Variants in FGF13 observed in about 807,000 individuals in gnomAD.
FGF13 encodes the protein fibroblast growth factor 13.
A neutral mutation model predicts 19.5 loss-of-function variants in FGF13; 2 were observed. That is an observed-to-expected ratio of 0.10 (90% CI 0.04 to 0.32). FGF13 has a LOEUF of 0.32. Among genes scored for constraint, FGF13 ranks in the 10% least tolerant of loss-of-function variants. The probability of loss-of-function intolerance (pLI) is 1.00; values close to 1 mark genes in which losing one functional copy is unlikely to be tolerated. For synonymous variants in FGF13, 72 were observed against 76.9 expected, an observed-to-expected ratio of 0.94 and a Z score of 0.33; for missense variants, 113 against 192.7, an observed-to-expected ratio of 0.59 and a Z score of 2.45.
chrX:138,658,669 A>G (rs2089459783), intron 3 of FGF13, among the ~76,000 whole-genome samples: 1 of 111,760 alleles, frequency 8.9e-6, no homozygotes, highest in African/African-American at 3.2e-5. Context: ...TCTAATGGAG[A>G]GGAATCTCTG....
intron 1 of FGF13, among the ~76,000 whole-genome samples, chrX:139,138,397 C>T (rs1190614477): frequency 1.8e-5 from 2 of 111,795 alleles, no homozygotes; most frequent in Non-Finnish European, 3.8e-5. Context: ...TTTGGCCACT[C>T]TGCCCCTCTC....
intron 3 of FGF13, among the ~76,000 whole-genome samples, chrX:138,687,690 A>G (rs759436792): frequency 7.2e-4 from 81 of 112,225 alleles, no homozygotes; most frequent in Non-Finnish European, 1.4e-3. Context: ...TCAAAGAGAT[A>G]TCTGCATTCT....
At chrX:139,181,917 A>G (rs2084241708) in intron 1 of FGF13, among the ~76,000 whole-genome samples, 1 of 110,331 alleles carries the variant, frequency 9.1e-6, no homozygotes, top group Non-Finnish European at 1.9e-5. Flanking sequence ...CCTTTGCAGC[A>G]GATATTGCTG....
chrX:138,871,877 G>C (rs987210821), intron 1 of FGF13, among the ~76,000 whole-genome samples: 1 of 112,120 alleles, frequency 8.9e-6, no homozygotes, highest in African/African-American at 3.2e-5. Flanking sequence ...GTAGGCCATT[G>C]TAACAGCTCT....
intron 3 of FGF13, among the ~76,000 whole-genome samples, chrX:138,752,646 G>A (rs902540940): frequency 9.0e-6 from 1 of 111,516 alleles, no homozygotes; most frequent in African/African-American, 3.3e-5. Context: ...TCTAGTGATA[G>A]TGGGAAACAA....
chrX:139,185,145 A>G (rs1015224606), intron 1 of FGF13, among the ~76,000 whole-genome samples: 2 of 112,319 alleles, frequency 1.8e-5, no homozygotes, highest in African/African-American at 6.5e-5. Context: ...ACATAGTAAT[A>G]CTTGCCAACC....
At chrX:138,750,444 G>C (rs2090390016) in intron 3 of FGF13, among the ~76,000 whole-genome samples, 1 of 110,452 alleles carries the variant, frequency 9.1e-6, no homozygotes, top group Non-Finnish European at 1.9e-5. Flanking sequence ...TTAGATTCAG[G>C]GGGTACATGT....
At chrX:139,033,569 T>C (rs2092238953) in intron 1 of FGF13, among the ~76,000 whole-genome samples, 1 of 111,949 alleles carries the variant, frequency 8.9e-6, no homozygotes, top group Non-Finnish European at 1.9e-5. Flanking sequence ...TTACTACAAA[T>C]TCAGAGCTAT....
At chrX:138,966,278 C>G (rs760662254) in intron 1 of FGF13, among the ~76,000 whole-genome samples, 1 of 112,194 alleles carries the variant, frequency 8.9e-6, no homozygotes, top group South Asian at 3.8e-4. Flanking sequence ...ACAGCTTGTA[C>G]TGTGCACGTG....
chrX:138,743,914 T>C (rs1193604236), upstream of FGF13, among the ~76,000 whole-genome samples: 2 of 111,269 alleles, frequency 1.8e-5, no homozygotes, highest in African/African-American at 3.3e-5. Flanking sequence ...TGCTTAGTGG[T>C]TAACGTGGAT....
chrX:138,876,908 A>G (rs1047999144), intron 1 of FGF13, among the ~76,000 whole-genome samples: 1 of 112,999 alleles, frequency 8.8e-6, no homozygotes, highest in African/African-American at 3.2e-5. Flanking sequence ...AGGATACAAC[A>G]AAAGAAAAAT....
At chrX:138,832,549 A>C (rs1313530220) in intron 3 of FGF13, among the ~76,000 whole-genome samples, 1 of 111,820 alleles carries the variant, frequency 8.9e-6, no homozygotes, top group East Asian at 2.8e-4. Flanking sequence ...TACCTTATAG[A>C]TGCTGGATGT....
intron 3 of FGF13, among the ~76,000 whole-genome samples, chrX:138,809,071 G>C (rs1368620706): frequency 8.9e-6 from 1 of 111,982 alleles, no homozygotes; most frequent in Non-Finnish European, 1.9e-5. Context: ...TAGAAAAAGA[G>C]GGAATCCTCC....
intron 1 of FGF13, among the ~76,000 whole-genome samples, chrX:139,029,678 G>A (rs990382357): frequency 9.0e-6 from 1 of 111,628 alleles, no homozygotes; most frequent in Non-Finnish European, 1.9e-5. Flanking sequence ...AAGTAGGGCT[G>A]GAGGTGATGT....
intron 1 of FGF13, among the ~76,000 whole-genome samples, chrX:139,036,837 A>G (rs2092252263): frequency 9.0e-6 from 1 of 110,942 alleles, no homozygotes. Context: ...TTTTAAAACC[A>G]TCAGATCTCA....
chrX:139,194,408 A>C (rs757766652), intron 1 of FGF13, among the ~76,000 whole-genome samples: 1 of 112,487 alleles, frequency 8.9e-6, no homozygotes, highest in African/African-American at 3.2e-5. Context: ...TGTAATCTGA[A>C]AAAAATCAAT....
At chrX:138,808,139 T>C (rs1193543983) in intron 3 of FGF13, among the ~76,000 whole-genome samples, 1 of 111,883 alleles carries the variant, frequency 8.9e-6, no homozygotes, top group African/African-American at 3.3e-5. Flanking sequence ...AGAATATACA[T>C]TCTTCTCCGC....
intron 1 of FGF13, among the ~76,000 whole-genome samples, chrX:139,085,926 T>C (rs1403437911): frequency 8.9e-6 from 1 of 112,478 alleles, no homozygotes; most frequent in Non-Finnish European, 1.9e-5. Context: ...TGAACAATTT[T>C]TTACCTTGTA....
intron 3 of FGF13, among the ~76,000 whole-genome samples, chrX:138,667,118 A>G (rs753483612): frequency 1.9e-5 from 2 of 107,727 alleles, no homozygotes; most frequent in African/African-American, 6.7e-5. Context: ...TATATCATAT[A>G]TTAGGTTATA....
Sources: gnomAD v4.1 joint callset for allele counts (sites outside exome capture counted in the v4.1 genomes callset) on GRCh38, gnomAD v4.1.1 for gene constraint, MANE v1.5 for transcripts, NCBI Gene and HGNC (gene_info 2026-07-23, HGNC 2026-07-21) for gene names.